The following SNAPC1 variants were observed in gnomAD, a reference collection of about 807,000 sequenced individuals.
The protein encoded by SNAPC1 is small nuclear RNA activating complex polypeptide 1.
In SNAPC1, 42 loss-of-function variants were observed where a neutral mutation model predicts 50.1. The ratio of observed to expected loss-of-function variants is 0.84; its 90% CI spans 0.65 to 1.08. SNAPC1 has a LOEUF of 1.08. SNAPC1 is among the 50% of genes least tolerant of loss of function. The pLI is 0.00. For synonymous variants in SNAPC1, 164 were observed against 144.2 expected, an observed-to-expected ratio of 1.14 and a Z score of -0.98; for missense variants, 477 against 427.3, an observed-to-expected ratio of 1.12 and a Z score of -1.02.
chr14:61,770,877 G>T (rs1176858340), intron 4 of SNAPC1, among the ~76,000 whole-genome samples: 3 of 152,050 alleles, frequency 2.0e-5, no homozygotes, highest in African/African-American at 7.2e-5. Flanking sequence ...GAGTAGCTGG[G>T]ACTACAGGTA....
intron 5 of SNAPC1, among the ~76,000 whole-genome samples, chr14:61,776,867 T>C (rs1013117841): frequency 1.3e-5 from 2 of 152,248 alleles, no homozygotes; most frequent in African/African-American, 4.8e-5. Context: ...TTCAACTTAG[T>C]TTATTTAACC....
At position 61,762,448 on chromosome 14, in the gene SNAPC1, G is replaced by A; in HGVS notation, c.-13G>A. ...GGCGTGCGGGCTTCGGAGGCGTGCG[G>A]GCTTCGGGTGCCATGGGGACTCCTC... On this transcript the variant is annotated 5_prime_UTR_variant, in exon 1 of 10. Transcript: ENST00000216294. The A allele has an allele frequency of 1.2e-6, 2 of 1,611,498 alleles. No homozygotes were observed. Among genetic ancestry groups the A allele is most frequent in the South Asian group, 1.1e-5 (1 of 91,062 alleles).
intron 7 of SNAPC1, among the ~76,000 whole-genome samples, chr14:61,779,825 C>T (rs1175755544): frequency 2.0e-5 from 3 of 151,492 alleles, no homozygotes; most frequent in Non-Finnish European, 4.4e-5. Flanking sequence ...TCTCCTGCCT[C>T]AGCCTCTCGA....
At chr14:61,775,272 A>T (rs527375539) in intron 4 of SNAPC1, among the ~76,000 whole-genome samples, 1 of 149,768 alleles carries the variant, frequency 6.7e-6, no homozygotes, top group African/African-American at 2.5e-5. Context: ...TTTTTTCTTG[A>T]GATGGAGTCT....
At chr14:61,773,834 A>C (rs2045013737) in intron 4 of SNAPC1, among the ~76,000 whole-genome samples, 1 of 151,268 alleles carries the variant, frequency 6.6e-6, no homozygotes, top group Non-Finnish European at 1.5e-5. Context: ...CCGCCTCCCG[A>C]GTAGCTCGGA....
intron 8 of SNAPC1, among the ~76,000 whole-genome samples, chr14:61,783,017 A>G (rs10131600): frequency 8.7e-6 from 1 of 115,258 alleles, no homozygotes; most frequent in Non-Finnish European, 1.8e-5. Flanking sequence ...TTTCCAGTGC[A>G]TTTTTTTTTT....
rs1428129296 is a variant in SNAPC1 at position 61,795,741 on chromosome 14, A to G, written c.*758A>G. The G allele has an allele frequency of 6.6e-6, 1 of 152,006 alleles. No homozygotes were observed. The highest frequency in any genetic ancestry group is 1.5e-5 in the Non-Finnish European group (1 of 67,996). 9.4% of individuals were successfully genotyped at this position (152,006 alleles called of 1,614,324 possible). On this transcript the variant is annotated 3_prime_UTR_variant, in exon 10 of 10. Transcript: ENST00000216294. ...AAAAAAAAAAATCTGTAGCTTCATG[A>G]ATATGCCACTCTGTTAATTTCTTGT...
chr14:61,783,773 C>T (rs185258258), intron 8 of SNAPC1, among the ~76,000 whole-genome samples: 3 of 151,976 alleles, frequency 2.0e-5, no homozygotes, highest in East Asian at 1.9e-4. Context: ...CTCCTGACTT[C>T]GTGATTCGCC....
intron 8 of SNAPC1, among the ~76,000 whole-genome samples, chr14:61,783,018 T>C (rs2045087822): frequency 2.3e-5 from 2 of 87,926 alleles, no homozygotes; most frequent in Admixed American, 2.0e-4. Context: ...TTCCAGTGCA[T>C]TTTTTTTTTT....
chr14:61,792,345 A>G (rs2140187316), intron 8 of SNAPC1, among the ~76,000 whole-genome samples: 1 of 152,318 alleles, frequency 6.6e-6, no homozygotes, highest in East Asian at 1.9e-4. Context: ...GTCAATCGCA[A>G]ATTATGACTA....
At chr14:61,768,247 A>G (rs2044963286) in intron 3 of SNAPC1, among the ~76,000 whole-genome samples, 1 of 152,244 alleles carries the variant, frequency 6.6e-6, no homozygotes, top group Admixed American at 6.5e-5. Flanking sequence ...CATGTCTCAA[A>G]CATCAGAGGA....
chr14:61,780,538 G>T (rs887244081), intron 7 of SNAPC1, among the ~76,000 whole-genome samples: 1 of 152,080 alleles, frequency 6.6e-6, no homozygotes, highest in Admixed American at 6.5e-5. Flanking sequence ...TAACGGGGTG[G>T]TTTTTTGTTT....
chr14:61,795,632 TTAAG>T lies in SNAPC1; in HGVS notation c.*652_*655del, dbSNP rs750960726. 21 of 152,316 alleles carry T rather than the reference TTAAG, an allele frequency of 1.4e-4. No individual in the cohort carries two copies. Among genetic ancestry groups the T allele is most frequent in the Non-Finnish European group, 2.6e-4 (18 of 68,016 alleles). 9.4% of individuals were successfully genotyped at this position (152,316 alleles called of 1,614,324 possible). A position where few individuals can be genotyped will look rare whatever the true frequency, so the allele number is the denominator to read the frequency against. On this transcript the variant is annotated 3_prime_UTR_variant, in exon 10 of 10. Coordinates refer to ENST00000216294, the MANE Select transcript of SNAPC1 (RefSeq NM_003082.4). The stretch of plus-strand genomic sequence containing the variant: ...ACTTAAATACTAATGTATTAAGTAT[TTAAG>T]TACTTTCTAATAAAATCTTTAACAA...
At chr14:61,779,943 A>G (rs1203110943) in intron 7 of SNAPC1, among the ~76,000 whole-genome samples, 1 of 152,192 alleles carries the variant, frequency 6.6e-6, no homozygotes, top group Non-Finnish European at 1.5e-5. Context: ...TCCCGATCTC[A>G]GGTGATCCAC....
At chr14:61,766,757 A>T (rs2044951053) in intron 1 of SNAPC1, 119 bp from the exon 2 acceptor site, 1 of 518,862 alleles carries the variant, frequency 1.9e-6, no homozygotes, top group East Asian at 3.0e-5. Flanking sequence ...ATCATGAAAG[A>T]ATCAGGTATG....
At chr14:61,792,134 A>C (rs73326986) in intron 8 of SNAPC1, among the ~76,000 whole-genome samples, 22,884 of 151,382 alleles carry the variant, frequency 0.15, 2,098 homozygotes, top group South Asian at 0.32. Flanking sequence ...AAGATATAAC[A>C]TATCAAATGA....
Position 61,778,135 on chromosome 14 carries a change from A to G in SNAPC1, c.757A>G (p.Thr253Ala). ...AAAAATGGAAGGAAATTCACAAGAA[A>G]CGGAGGTCAGAAAACTTTGCAATTC... ...EEKMEGNSQE[T>A]ERCERAESLA... The change falls in exon 6 of 10, where the codon ACG becomes GCG. Residue 253 changes from threonine to alanine, a missense_variant. Thr to Ala is a moderately conservative substitution (Grantham distance 58). Coordinates refer to ENST00000216294, the MANE Select transcript of SNAPC1 (RefSeq NM_003082.4). The G allele has an allele frequency of 6.3e-7, 1 of 1,599,046 alleles. No individual in the cohort carries two copies. Among genetic ancestry groups the G allele is most frequent in the Non-Finnish European group, 8.5e-7 (1 of 1,170,212 alleles).
intron 1 of SNAPC1, among the ~76,000 whole-genome samples, chr14:61,764,509 A>G (rs940311806): frequency 6.6e-6 from 1 of 152,188 alleles, no homozygotes; most frequent in Non-Finnish European, 1.5e-5. Flanking sequence ...AGACAGTTAT[A>G]AAAAGCAGGT....
chr14:61,792,727 T>C (rs1382878711), intron 8 of SNAPC1, 80 bp from the exon 9 acceptor site: 4 of 750,436 alleles, frequency 5.3e-6, no homozygotes, highest in Admixed American at 2.8e-5. Context: ...GCTGTAATAA[T>C]GACAGTTTTT....
Sources: allele counts gnomAD v4.1 joint callset (sites outside exome capture counted in the v4.1 genomes callset), GRCh38; gene constraint gnomAD v4.1.1; transcripts MANE v1.5; gene names NCBI Gene and HGNC (gene_info 2026-07-23, HGNC 2026-07-21).